Variants in KDM3B observed in about 807,000 individuals in gnomAD.
KDM3B encodes the protein lysine-specific demethylase 3B.
KDM3B carries 10 observed loss-of-function variants against 170.0 expected under a neutral mutation model. The ratio of observed to expected loss-of-function variants is 0.06; its 90% CI spans 0.04 to 0.10. The LOEUF (loss-of-function observed/expected upper bound fraction) is 0.10, where lower values mean the gene tolerates loss of function less well. Ranked by LOEUF, KDM3B falls within the 10% of genes least tolerant of loss-of-function variation. The pLI, the probability that KDM3B is intolerant of heterozygous loss-of-function variation, is 1.00. For missense variants in KDM3B, 1,394 were observed against 2,195.2 expected (o/e 0.64, Z 7.29); for synonymous variants, 831 against 834.8 (o/e 1.00, Z 0.08).
chr5:138,425,530 A>G lies in KDM3B; in HGVS notation c.4359A>G (p.Ile1453Met). ...VDLVNCRNCA[I>M]ISDVKVRDFW... ...TGGTGAACTGCAGGAACTGTGCTAT[A>G]ATTTCCGATGTGAAAGTTCGGGATT... is the stretch of plus-strand genomic sequence containing the variant. The change falls in exon 17 of 24, where the codon ATA (isoleucine) becomes ATG (methionine). Residue 1453 changes from isoleucine (I) to methionine (M), a missense_variant. Ile to Met is a conservative substitution (Grantham distance 10, BLOSUM62 1). Around this residue, in one of 19 missense-constraint regions of KDM3B, gnomAD observed 66 missense variants for 178.8 expected, o/e 0.37. Coordinates refer to ENST00000314358, the MANE Select transcript of KDM3B (RefSeq NM_016604.4). 2.5e-6 allele frequency: 4 copies of G among 1,614,112 alleles called. No individual in the cohort carries two copies. The highest frequency in any genetic ancestry group is 1.7e-6 in the Non-Finnish European group (2 of 1,180,002).
intron 1 of KDM3B, among the ~76,000 whole-genome samples, chr5:138,367,876 G>C (rs997330400): frequency 3.3e-5 from 5 of 152,080 alleles, no homozygotes; most frequent in African/African-American, 7.2e-5. Flanking sequence ...AGCTGGGCGT[G>C]GTGGCAGGCA....
At chr5:138,417,862 G>C in intron 13 of KDM3B, 1 of 371,190 alleles carries the variant, frequency 2.7e-6, no homozygotes, top group Non-Finnish European at 5.0e-6. Flanking sequence ...TTAGCATCTT[G>C]TCAAGATACA....
chr5:138,429,668 G>T (rs1763481539), intron 20 of KDM3B, among the ~76,000 whole-genome samples, 158 bp from the exon 21 acceptor site: 2 of 152,202 alleles, frequency 1.3e-5, no homozygotes. Flanking sequence ...TGTTCTGTGT[G>T]TAGGGAGCTT....
Position 138,390,930 on chromosome 5 carries a change from C to G in KDM3B, c.1381-83C>G, listed in dbSNP as rs527778333. The G allele has an allele frequency of 2.3e-5, 30 of 1,280,774 alleles. No individual in the cohort carries two copies. In the East Asian group the frequency reaches 5.3e-4, roughly 23 times the overall value. 79.3% of individuals were successfully genotyped at this position (1,280,774 alleles called of 1,614,324 possible). ...TGATGGACCCCCAAGAAATGTTGAT[C>G]TGGTGATAGTGAGGTCCAAGAAAGA... On this transcript the variant is annotated intron_variant, in intron 7 of 23. Coordinates refer to ENST00000314358, the MANE Select transcript of KDM3B (RefSeq NM_016604.4).
intron 1 of KDM3B, among the ~76,000 whole-genome samples, chr5:138,359,262 A>G (rs977302249): frequency 2.0e-5 from 3 of 151,708 alleles, no homozygotes; most frequent in Non-Finnish European, 4.4e-5. Context: ...CCAGAGTTCA[A>G]GTGATTCTCC....
At chr5:138,364,101 A>G (rs1761685399) in intron 1 of KDM3B, among the ~76,000 whole-genome samples, 1 of 151,656 alleles carries the variant, frequency 6.6e-6, no homozygotes, top group African/African-American at 2.4e-5. Context: ...TATTTTTAGT[A>G]AAGATGGTGT....
intron 23 of KDM3B, 104 bp from the exon 24 acceptor site, chr5:138,435,516 C>A: frequency 1.2e-6 from 1 of 819,568 alleles, no homozygotes; most frequent in Non-Finnish European, 2.1e-6. Context: ...AACGCACAGT[C>A]CTTTTTGGGA....
chr5:138,398,704 C>T (rs1487756411), intron 10 of KDM3B, among the ~76,000 whole-genome samples: 1 of 151,992 alleles, frequency 6.6e-6, no homozygotes, highest in South Asian at 2.1e-4. Context: ...TTTCAGTTTG[C>T]TTTGAACCAA....
At chr5:138,431,631 T>A in intron 23 of KDM3B, 72 bp downstream of exon 23, 1 of 1,286,256 alleles carries the variant, frequency 7.8e-7, no homozygotes, top group Middle Eastern at 1.9e-4. Flanking sequence ...AGAAAGCACA[T>A]TCTCCTTTCT....
chr5:138,401,862 C>T (rs568827209), intron 11 of KDM3B, among the ~76,000 whole-genome samples: 2 of 152,174 alleles, frequency 1.3e-5, no homozygotes, highest in East Asian at 3.9e-4. Context: ...TTGCTTTCCC[C>T]TGGTGACTAA....
At chr5:138,374,780 A>G (rs968488227) in intron 2 of KDM3B, among the ~76,000 whole-genome samples, 13 of 152,216 alleles carry the variant, frequency 8.5e-5, no homozygotes, top group African/African-American at 3.1e-4. Context: ...CTGGGAATTT[A>G]CTATAATTTA....
intron 15 of KDM3B, among the ~76,000 whole-genome samples, chr5:138,422,701 A>G (rs1763302699): frequency 6.6e-6 from 1 of 152,160 alleles, no homozygotes. Context: ...CTTGCCTCCC[A>G]ACCACCTGTT....
At chr5:138,430,678 G>C (rs762252354) in intron 22 of KDM3B, among the ~76,000 whole-genome samples, 17 of 152,166 alleles carry the variant, frequency 1.1e-4, no homozygotes, top group Non-Finnish European at 2.5e-4. Context: ...ATCACCTGAG[G>C]TTGGGAGTTC....
chr5:138,389,278 G>C (rs1762360625), intron 7 of KDM3B, among the ~76,000 whole-genome samples: 1 of 152,208 alleles, frequency 6.6e-6, no homozygotes, highest in African/African-American at 2.4e-5. Flanking sequence ...CTGTAGCAGA[G>C]ACAGAGGCAA....
chr5:138,415,618 A>T (rs955866598), intron 12 of KDM3B, among the ~76,000 whole-genome samples: 8 of 143,324 alleles, frequency 5.6e-5, no homozygotes, highest in East Asian at 2.0e-4. Flanking sequence ...TTTAATTTAA[A>T]TTTTTTTTTT....
rs1362543255 is a variant in KDM3B at position 138,352,909 on chromosome 5, G to C, written c.114G>C (p.Pro38=). The C allele has an allele frequency of 1.7e-5, 23 of 1,371,464 alleles. No homozygotes were observed. Among genetic ancestry groups the C allele is most frequent in the Non-Finnish European group, 2.0e-5 (21 of 1,060,760 alleles). The allele number at this position is 1,371,464 out of a possible 1,614,324, so 85.0% of individuals were successfully genotyped here. ...CGGCGGCAGCGGCGAGCGGAGATCC[G>C]GGGCCTGCGCTGCGCACTCGAGCCT... ...APAAAAASGD[P]GPALRTRAWR... is the part of the protein sequence containing the mutation. Residue 38 remains proline (P), a synonymous_variant, in exon 1 of 24, where the codon CCG becomes CCC. Transcript: ENST00000314358.
chr5:138,425,138 A>G (rs1282913828), intron 16 of KDM3B, among the ~76,000 whole-genome samples: 1 of 152,246 alleles, frequency 6.6e-6, no homozygotes, highest in Non-Finnish European at 1.5e-5. Flanking sequence ...TGGACTTGTC[A>G]GATTTTTGTC....
intron 12 of KDM3B, among the ~76,000 whole-genome samples, chr5:138,415,647 A>C (rs1388085692): frequency 6.6e-6 from 1 of 150,956 alleles, no homozygotes; most frequent in Admixed American, 6.6e-5. Context: ...ACGGAGTCCC[A>C]ATATGTTGCA....
At chr5:138,419,728 TACACACAC>T (rs144047213) in intron 14 of KDM3B, among the ~76,000 whole-genome samples, 24,769 of 121,930 alleles carry the variant, frequency 0.2, 2,480 homozygotes, top group Non-Finnish European at 0.22. Context: ...TACACACACA[TACACACAC>T]ACACACACAC....
Sources: gnomAD v4.1 joint callset for allele counts (sites outside exome capture counted in the v4.1 genomes callset) on GRCh38, gnomAD v4.1.1 for gene constraint, gnomAD v4.1.1 regional missense constraint, MANE v1.5 for transcripts, NCBI Gene and HGNC (gene_info 2026-07-23, HGNC 2026-07-21) for gene names.